NUAK1: variants seen among roughly 807,000 people sequenced by gnomAD.
The protein encoded by NUAK1 is NUAK family kinase 1, also known as NUAK family SNF1-like kinase 1.
Under a neutral mutation model 56.9 loss-of-function variants are expected in NUAK1, and 26 were observed. The observed-to-expected ratio is 0.46, with a 90% confidence interval of 0.33 to 0.63. The LOEUF (loss-of-function observed/expected upper bound fraction) is 0.63, where lower values mean the gene tolerates loss of function less well. Among genes scored for constraint, NUAK1 ranks in the 30% least tolerant of loss-of-function variants. The pLI, the probability that NUAK1 is intolerant of heterozygous loss-of-function variation, is 0.02. For missense variants in NUAK1, 727 were observed against 876.1 expected (o/e 0.83, Z 2.15); for synonymous variants, 337 against 336.0 (o/e 1.00, Z -0.03).
At chr12:106,080,306 T>A (rs1439800449) in intron 4 of NUAK1, among the ~76,000 whole-genome samples, 3 of 152,300 alleles carry the variant, frequency 2.0e-5, no homozygotes, top group South Asian at 2.1e-4. Context: ...TTCCCAGCCC[T>A]CTTGGAGGAG....
intron 4 of NUAK1, among the ~76,000 whole-genome samples, chr12:106,076,545 C>T (rs535318627): frequency 1.3e-5 from 2 of 152,286 alleles, no homozygotes; most frequent in African/African-American, 2.4e-5. Flanking sequence ...CCTCAATTCT[C>T]GAAAGGAGCC....
intron 4 of NUAK1, 21 bp from the exon 5 acceptor site, chr12:106,072,864 C>G: frequency 6.2e-7 from 1 of 1,613,342 alleles, no homozygotes; most frequent in Non-Finnish European, 8.5e-7. Flanking sequence ...AAGCAAGACC[C>G]AGGGAGACTT....
chr12:106,101,034 C>A (rs953074149), intron 2 of NUAK1, among the ~76,000 whole-genome samples: 2 of 152,208 alleles, frequency 1.3e-5, no homozygotes, highest in Non-Finnish European at 2.9e-5. Flanking sequence ...GCCTGTCGAC[C>A]AACCGGCTTC....
intron 5 of NUAK1, among the ~76,000 whole-genome samples, chr12:106,071,164 T>G (rs535863928): frequency 5.1e-4 from 78 of 152,344 alleles, no homozygotes; most frequent in South Asian, 4.6e-3. Flanking sequence ...ACAGATTATC[T>G]TCTTTAATCC....
At chr12:106,094,222 G>A (rs1482376508) in intron 2 of NUAK1, among the ~76,000 whole-genome samples, 1 of 152,156 alleles carries the variant, frequency 6.6e-6, no homozygotes. Flanking sequence ...CCAGGGTGCT[G>A]CCATTTCTTC....
intron 4 of NUAK1, among the ~76,000 whole-genome samples, chr12:106,077,928 A>G (rs1169008729): frequency 6.6e-6 from 1 of 152,246 alleles, no homozygotes; most frequent in Non-Finnish European, 1.5e-5. Context: ...ATGCCTACCT[A>G]GCACACAGTA....
intron 1 of NUAK1, among the ~76,000 whole-genome samples, chr12:106,109,878 AC>A (rs1183374448): frequency 1.3e-5 from 2 of 152,192 alleles, no homozygotes; most frequent in Non-Finnish European, 2.9e-5. Flanking sequence ...GTCTTTTTTA[AC>A]CCAGAGTGAG....
intron 1 of NUAK1, among the ~76,000 whole-genome samples, chr12:106,135,008 T>C (rs1258447047): frequency 6.6e-6 from 1 of 152,112 alleles, no homozygotes; most frequent in Non-Finnish European, 1.5e-5. Context: ...TAAAATGAGA[T>C]GAGAAAAAAA....
chr12:106,108,431 G>C (rs958577203), intron 1 of NUAK1, among the ~76,000 whole-genome samples: 1 of 152,200 alleles, frequency 6.6e-6, no homozygotes, highest in Non-Finnish European at 1.5e-5. Context: ...CTTTTCAGCA[G>C]AGAGCCAGAC....
At chr12:106,122,728 C>T (rs1047954615) in intron 1 of NUAK1, among the ~76,000 whole-genome samples, 6 of 152,208 alleles carry the variant, frequency 3.9e-5, no homozygotes, top group African/African-American at 1.4e-4. Context: ...CCATCACATT[C>T]ACTTGAGTTG....
At chr12:106,087,803 C>T (rs1374615481) in intron 2 of NUAK1, among the ~76,000 whole-genome samples, 2 of 152,154 alleles carry the variant, frequency 1.3e-5, no homozygotes, top group Non-Finnish European at 2.9e-5. Context: ...GGCAGTTTGG[C>T]GTCAAAGATC....
rs10746054 is a variant in NUAK1, at chr12:106,066,223, G to A, written c.*579C>T. 55,506 of 155,054 alleles carry A rather than the reference G, an allele frequency of 0.36. 11,273 individuals are homozygous for A. The highest frequency in any genetic ancestry group is 0.9 in the East Asian group (4,720 of 5,232). The allele number at this position is 155,054 out of a possible 1,614,324, so 9.6% of individuals were successfully genotyped here. A position where few individuals can be genotyped will look rare whatever the true frequency, so the allele number is the denominator to read the frequency against. On this transcript the variant is annotated 3_prime_UTR_variant, in exon 7 of 7. Transcript: ENST00000261402. The stretch of plus-strand genomic sequence containing the variant: ...GCTACTGCTTCCCCTTCCCTTTCCC[G>A]TGGTAGCCATTACTAGTCAATCACA...
At chr12:106,076,892 G>A (rs2136458679) in intron 4 of NUAK1, among the ~76,000 whole-genome samples, 1 of 152,310 alleles carries the variant, frequency 6.6e-6, no homozygotes, top group Non-Finnish European at 1.5e-5. Flanking sequence ...CAGCGTTTCA[G>A]CTGGGGAAGG....
chr12:106,115,081 T>C (rs1398661408), intron 1 of NUAK1, among the ~76,000 whole-genome samples: 1 of 152,194 alleles, frequency 6.6e-6, no homozygotes, highest in Non-Finnish European at 1.5e-5. Flanking sequence ...TCTTAATTCA[T>C]TGCAAACACT....
intron 2 of NUAK1, among the ~76,000 whole-genome samples, chr12:106,092,197 A>T (rs1212300835): frequency 1.3e-5 from 2 of 151,884 alleles, no homozygotes; most frequent in African/African-American, 2.4e-5. Context: ...TATGAACCAA[A>T]ATCGTAGATG....
At chr12:106,111,103 G>A (rs1365410033) in intron 1 of NUAK1, among the ~76,000 whole-genome samples, 1 of 152,072 alleles carries the variant, frequency 6.6e-6, no homozygotes, top group African/African-American at 2.4e-5. Context: ...AAACTTCCCA[G>A]GTCTCGGTTT....
intron 4 of NUAK1, among the ~76,000 whole-genome samples, chr12:106,074,787 T>C (rs919608204): frequency 1.3e-5 from 2 of 152,150 alleles, no homozygotes; most frequent in Non-Finnish European, 1.5e-5. Flanking sequence ...CCTGAATGAA[T>C]GGAATGTCAT....
intron 4 of NUAK1, among the ~76,000 whole-genome samples, chr12:106,082,969 A>C (rs2032533362): frequency 6.6e-6 from 1 of 151,950 alleles, no homozygotes; most frequent in African/African-American, 2.4e-5. Context: ...TCATAATGAA[A>C]CCCATGCAGC....
At chr12:106,111,332 C>CA (rs1271778682) in intron 1 of NUAK1, among the ~76,000 whole-genome samples, 1 of 152,130 alleles carries the variant, frequency 6.6e-6, no homozygotes, top group Admixed American at 6.5e-5. Flanking sequence ...TGCACAGTGG[C>CA]AAAAGCAGGT....
Sources: allele counts gnomAD v4.1 joint callset (sites outside exome capture counted in the v4.1 genomes callset), GRCh38; gene constraint gnomAD v4.1.1; transcripts MANE v1.5; gene names NCBI Gene and HGNC (gene_info 2026-07-23, HGNC 2026-07-21).